The following LTK variants were observed in gnomAD, a reference collection of about 807,000 sequenced individuals.
The protein encoded by LTK is leukocyte tyrosine kinase receptor.
Under a neutral mutation model 101.5 loss-of-function variants are expected in LTK, and 117 were observed. That is an observed-to-expected ratio of 1.15 (90% CI 0.99 to 1.34). The LOEUF is 1.34. Ranked by LOEUF, LTK falls within the 40% of genes most tolerant of loss-of-function variation. The pLI is 0.00. For missense variants in LTK, 1,252 were observed against 1,164.7 expected, an observed-to-expected ratio of 1.07 and a Z score of -1.09; for synonymous variants, 563 against 494.2, an observed-to-expected ratio of 1.14 and a Z score of -1.85.
At chr15:41,512,586 GGT>G in intron 3 of LTK, 119 bp downstream of exon 3, 1 of 1,285,576 alleles carries the variant, frequency 7.8e-7, no homozygotes, top group Non-Finnish European at 1.0e-6. Flanking sequence ...GGGCACTCAA[GGT>G]GGACCTCCCC....
chr15:41,507,523 G>A (rs1437683041), intron 10 of LTK, 39 bp downstream of exon 10: 11 of 1,605,028 alleles, frequency 6.9e-6, no homozygotes, highest in East Asian at 6.8e-5. Flanking sequence ...CTGGAGAGGA[G>A]CAGCCTTGAA....
intron 11 of LTK, 143 bp downstream of exon 11, chr15:41,506,952 G>A (rs2051305291): frequency 2.9e-6 from 2 of 687,682 alleles, no homozygotes; most frequent in Non-Finnish European, 4.9e-6. Flanking sequence ...TTCCCCTTCT[G>A]GAGCTTCTCA....
chr15:41,510,259 G>A (rs1181250839), intron 7 of LTK, among the ~76,000 whole-genome samples: 5 of 151,976 alleles, frequency 3.3e-5, no homozygotes, highest in African/African-American at 9.7e-5. Context: ...ACCCGCCTCC[G>A]CCGCCCAAAG....
intron 10 of LTK, 73 bp from the exon 11 acceptor site, chr15:41,507,363 C>G (rs989111632): frequency 4.1e-6 from 6 of 1,475,560 alleles, no homozygotes; most frequent in Non-Finnish European, 5.5e-6. Flanking sequence ...GCCCAGGACA[C>G]CCCTCCAGAT....
Position 41,508,237 on chromosome 15 carries a change from CTGATA to C in LTK, c.1097-21_1097-17del, listed in dbSNP as rs756880359. Reference sequence around the variant, plus strand: ...TTCTCGGTGACTGTGAGTAAAAGAACTGATATGATATGGTGTGGTAGGGCTGGGAT... The same window carrying C: ...TTCTCGGTGACTGTGAGTAAAAGAACTGATATGGTGTGGTAGGGCTGGGAT... On this transcript the variant is annotated splice_polypyrimidine_tract_variant and intron_variant, in intron 8 of 19. Coordinates refer to ENST00000263800, the MANE Select transcript of LTK (RefSeq NM_002344.6). 1.8e-5 allele frequency: 29 copies of C among 1,605,870 alleles called. No individual in the cohort carries two copies. The highest frequency in any genetic ancestry group is 3.3e-5 in the South Asian group (3 of 90,420).
intron 4 of LTK, 46 bp from the exon 5 acceptor site, chr15:41,512,009 C>G: frequency 5.5e-6 from 8 of 1,445,380 alleles, no homozygotes; most frequent in Non-Finnish European, 7.2e-6. Context: ...GGAGCCTCCC[C>G]TCGCTGTGCT....
chr15:41,505,819 C>T (rs1765473431), intron 12 of LTK, 42 bp from the exon 13 acceptor site: 1 of 1,608,528 alleles, frequency 6.2e-7, no homozygotes, highest in Non-Finnish European at 8.5e-7. Flanking sequence ...GCCCTGCACG[C>T]TTCAGGAGAG....
chr15:41,508,003 G>T, intron 9 of LTK, 66 bp downstream of exon 9: 1 of 1,490,430 alleles, frequency 6.7e-7, no homozygotes, highest in Non-Finnish European at 9.0e-7. Flanking sequence ...ATCTTTCCCA[G>T]TGGCCTACTG....
rs1030031662 is a variant in LTK at position 41,507,109 on chromosome 15, A to G, written c.1527T>C (p.Asn509=). 25 of 1,613,288 alleles carry G rather than the reference A, an allele frequency of 1.5e-5. No homozygotes were observed. Among genetic ancestry groups the G allele is most frequent in the Non-Finnish European group, 2.0e-5 (24 of 1,179,856 alleles). ...AGAAGACTTACCTGAGCAGAGTAAC[A>G]TTGGCTGGGGAAACCTCGGTGACAC... ...PPGVTEVSPA[N]VTLLRALGHG... is the part of the protein sequence containing the mutation. Residue 509 remains asparagine, a synonymous_variant, in exon 11 of 20, where the codon AAT becomes AAC. Coordinates refer to ENST00000263800, the MANE Select transcript of LTK (RefSeq NM_002344.6).
chr15:41,504,555 C>G lies in LTK; in HGVS notation c.2206G>C (p.Val736Leu). 3.7e-6 allele frequency: 6 copies of G among 1,613,890 alleles called. No individual in the cohort carries two copies. Among genetic ancestry groups the G allele is most frequent in the Non-Finnish European group, 4.2e-6 (5 of 1,179,992 alleles). Residue 736 changes from valine (V) to leucine (L), a missense_variant, in exon 18 of 20, where the codon GTC becomes CTC. By Grantham distance (32) the Val-to-Leu change is conservative. Coordinates refer to ENST00000263800, the MANE Select transcript of LTK (RefSeq NM_002344.6). ...GGGTCCATCCGGCCTCCTCCAACGA[C>G]GAAGTCCAGCACCTCCTGGTTGGTG... ...GRTNQEVLDF[V>L]VGGGRMDPPR...
intron 11 of LTK, 64 bp from the exon 12 acceptor site, chr15:41,506,069 G>A: frequency 9.1e-7 from 1 of 1,098,096 alleles, no homozygotes; most frequent in East Asian, 2.4e-5. Flanking sequence ...AGAGAGTCTA[G>A]TACCCCCTTT....
chr15:41,506,166 G>A (rs918854162), intron 11 of LTK, among the ~76,000 whole-genome samples, 161 bp from the exon 12 acceptor site: 1 of 152,230 alleles, frequency 6.6e-6, no homozygotes, highest in Admixed American at 6.5e-5. Flanking sequence ...AGCCCTGCAA[G>A]GGTGGTGCTC....
At position 41,513,636 on chromosome 15, in the gene LTK, G is replaced by A. The variant is rs774835533; in HGVS notation, c.43+31C>T. 3.7e-6 allele frequency: 6 copies of A among 1,610,758 alleles called. No individual in the cohort carries two copies. The African/African-American group carries it at 6.7e-5, about 18-fold the overall frequency. On this transcript the variant is annotated intron_variant, in intron 1 of 19. Transcript: ENST00000263800. ...AAGCCTAGGAAAGTGCCTCAGGCTG[G>A]ACGGTCCCCTGACCGCCAGATAGCA...
rs555713396 is a variant in LTK, at chr15:41,509,599, G to A, written c.998-470C>T. Among the ~76,000 whole-genome samples the A allele has an allele frequency of 3.9e-5, 6 of 152,084 alleles. No homozygotes were observed. In the South Asian group the frequency reaches 1.3e-3, roughly 32 times the overall value. ...TTCAGGGCCAGGTGTGGTGGCTCAC[G>A]CCTGTAATCCCAGCACTTTGGGAGG... On this transcript the variant is annotated intron_variant, in intron 7 of 19. Coordinates refer to ENST00000263800, the MANE Select transcript of LTK (RefSeq NM_002344.6).
At chr15:41,510,497 T>A (rs1381070673) in intron 7 of LTK, among the ~76,000 whole-genome samples, 1 of 57,870 alleles carries the variant, frequency 1.7e-5, no homozygotes, top group Non-Finnish European at 5.0e-5. Flanking sequence ...ATTTCCCTCT[T>A]GTCGCCCAGG....
chr15:41,504,898 A>G (rs1212841845), intron 16 of LTK, 24 bp from the exon 17 acceptor site: 2 of 1,607,134 alleles, frequency 1.2e-6, no homozygotes, highest in Admixed American at 3.4e-5. Flanking sequence ...GAGGTGAATG[A>G]TGAGTTGTTC....
intron 7 of LTK, among the ~76,000 whole-genome samples, chr15:41,509,891 CATG>C (rs891324840): frequency 2.6e-5 from 4 of 152,220 alleles, no homozygotes; most frequent in African/African-American, 7.2e-5. Flanking sequence ...TTGTATACAG[CATG>C]ATGTTTTGAA....
chr15:41,504,748 A>G, intron 17 of LTK, 25 bp downstream of exon 17: 1 of 1,602,654 alleles, frequency 6.2e-7, no homozygotes, highest in Non-Finnish European at 8.5e-7. Flanking sequence ...AACAGTGGGG[A>G]AGGGGAGGGG....
Position 41,513,678 on chromosome 15 carries a change from A to G in LTK, c.32T>C (p.Phe11Ser). MGCWGQLLVW[F>S]GAAGAILCSS... is the part of the protein sequence containing the mutation. ...CAGATAGCACTTACCCGCGGCTCCGAACCACACCAGCAGCTGTCCCCAGCA... is the reference window on the plus strand; with the variant it reads ...CAGATAGCACTTACCCGCGGCTCCGGACCACACCAGCAGCTGTCCCCAGCA... Residue 11 changes from phenylalanine (F) to serine (S), a missense_variant, in exon 1 of 20, where the codon TTC becomes TCC. Coordinates refer to ENST00000263800, the MANE Select transcript of LTK (RefSeq NM_002344.6). 1.9e-6 allele frequency: 3 copies of G among 1,612,710 alleles called. No homozygotes were observed. Among genetic ancestry groups the G allele is most frequent in the Non-Finnish European group, 2.5e-6 (3 of 1,179,556 alleles).
Sources: gnomAD v4.1 joint callset for allele counts (sites outside exome capture counted in the v4.1 genomes callset) on GRCh38, gnomAD v4.1.1 for gene constraint, MANE v1.5 for transcripts, NCBI Gene and HGNC (gene_info 2026-07-23, HGNC 2026-07-21) for gene names.